Variants in LRRC4C observed in about 807,000 individuals in gnomAD.
LRRC4C encodes leucine rich repeat containing 4C, also known as leucine-rich repeat-containing protein 4C.
In LRRC4C, 5 loss-of-function variants were observed where a neutral mutation model predicts 33.6. The ratio of observed to expected loss-of-function variants is 0.15; its 90% confidence interval spans 0.08 to 0.31. The LOEUF is 0.31. LRRC4C is among the 10% of genes least tolerant of loss of function. The probability of loss-of-function intolerance (pLI) is 1.00; values close to 1 mark genes in which losing one functional copy is unlikely to be tolerated. For missense variants in LRRC4C, 560 were observed against 796.7 expected, an observed-to-expected ratio of 0.70 and a Z score of 3.58; for synonymous variants, 329 against 302.0, an observed-to-expected ratio of 1.09 and a Z score of -0.93.
chr11:40,812,719 TC>T (rs145568239), intron 2 of LRRC4C, among the ~76,000 whole-genome samples: 3,390 of 152,272 alleles, frequency 0.022, 135 homozygotes, highest in African/African-American at 0.077. Flanking sequence ...AATTTAATTT[TC>T]ATTTATCCTA....
intron 4 of LRRC4C, among the ~76,000 whole-genome samples, chr11:40,244,883 C>T (rs1866207784): frequency 6.6e-6 from 1 of 152,102 alleles, no homozygotes; most frequent in African/African-American, 2.4e-5. Flanking sequence ...TTATATTGTA[C>T]TAAAGACAGT....
chr11:41,125,800 T>C (rs575958488), intron 1 of LRRC4C, among the ~76,000 whole-genome samples: 2 of 152,132 alleles, frequency 1.3e-5, no homozygotes, highest in Non-Finnish European at 2.9e-5. Context: ...AAAACTACTA[T>C]TGAAAACTGA....
chr11:41,081,179 T>G (rs1459107946), intron 1 of LRRC4C, among the ~76,000 whole-genome samples: 2 of 152,214 alleles, frequency 1.3e-5, no homozygotes, highest in Admixed American at 1.3e-4. Flanking sequence ...AAATGTATCA[T>G]TAATTCAAAT....
At chr11:40,177,551 C>T (rs1229750933) in intron 5 of LRRC4C, among the ~76,000 whole-genome samples, 2 of 152,138 alleles carry the variant, frequency 1.3e-5, no homozygotes, top group African/African-American at 4.8e-5. Flanking sequence ...ATTCTCTTTG[C>T]TTGGAAGCAT....
chr11:40,388,844 T>A (rs1251449780), intron 3 of LRRC4C, among the ~76,000 whole-genome samples: 1 of 152,196 alleles, frequency 6.6e-6, no homozygotes, highest in East Asian at 1.9e-4. Flanking sequence ...TCTGTCTGTA[T>A]TCAGATATTC....
At chr11:41,046,806 C>G (rs990891624) in intron 1 of LRRC4C, among the ~76,000 whole-genome samples, 17 of 152,246 alleles carry the variant, frequency 1.1e-4, no homozygotes, top group African/African-American at 4.1e-4. Context: ...ACCATTTACT[C>G]ATCCTTATTA....
In LRRC4C at chr11:40,919,413, G is replaced by A. The variant is rs370814507; in HGVS notation, c.-407+14222C>T. 2.6e-4 allele frequency among the ~76,000 whole-genome samples: 40 copies of A among 152,182 alleles called. No individual in the cohort carries two copies. The East Asian group carries it at 2.7e-3, about 10-fold the overall frequency. ...ATTGAAAGGATTAATAACTCATAGC[G>A]TTATCTAAAGGAGCTGGCTCTTTCT... On this transcript the variant is annotated intron_variant, in intron 2 of 6. Coordinates refer to ENST00000528697, the MANE Select transcript of LRRC4C (RefSeq NM_001258419.2).
At chr11:41,120,066 G>C (rs1046533096) in intron 1 of LRRC4C, among the ~76,000 whole-genome samples, 1 of 152,008 alleles carries the variant, frequency 6.6e-6, no homozygotes, top group Admixed American at 6.6e-5. Flanking sequence ...TATCTGCCTA[G>C]CTACCTTATA....
intron 1 of LRRC4C, among the ~76,000 whole-genome samples, chr11:41,354,369 A>C (rs1196661200): frequency 2.0e-5 from 3 of 152,202 alleles, no homozygotes; most frequent in African/African-American, 7.2e-5. Flanking sequence ...GAAAGAAATC[A>C]GAGATGACAC....
intron 3 of LRRC4C, among the ~76,000 whole-genome samples, chr11:40,397,576 A>T (rs968413616): frequency 3.3e-5 from 5 of 152,074 alleles, no homozygotes; most frequent in African/African-American, 7.2e-5. Flanking sequence ...GACAAATTGG[A>T]GGGTCAGGAA....
chr11:40,410,483 TGTAGATGATAG>T (rs748375309), intron 3 of LRRC4C, among the ~76,000 whole-genome samples: 99 of 152,206 alleles, frequency 6.5e-4, no homozygotes, highest in Admixed American at 1.6e-3. Context: ...GAACACTGTG[TGTAGATGATAG>T]GTCTTTTCAT....
chr11:40,404,303 G>A (rs1181923681), intron 3 of LRRC4C, among the ~76,000 whole-genome samples: 1 of 152,108 alleles, frequency 6.6e-6, no homozygotes, highest in Admixed American at 6.6e-5. Flanking sequence ...ACTCAGCTGA[G>A]CCCCGTCCAA....
At chr11:41,077,826 G>A (rs1199593651) in intron 1 of LRRC4C, among the ~76,000 whole-genome samples, 4 of 152,098 alleles carry the variant, frequency 2.6e-5, no homozygotes, top group Admixed American at 6.6e-5. Flanking sequence ...TTTTCCAAAC[G>A]TTTATGCTCT....
intron 3 of LRRC4C, among the ~76,000 whole-genome samples, chr11:40,328,736 C>A (rs1946213294): frequency 6.6e-6 from 1 of 152,094 alleles, no homozygotes; most frequent in African/African-American, 2.4e-5. Flanking sequence ...TCATTTCTGT[C>A]ATAATTTAAA....
At chr11:41,121,805 T>C (rs1942446039) in intron 1 of LRRC4C, among the ~76,000 whole-genome samples, 2 of 152,102 alleles carry the variant, frequency 1.3e-5, no homozygotes, top group South Asian at 4.2e-4. Context: ...AGAGCAAATA[T>C]TGTCAGCTTG....
intron 3 of LRRC4C, chr11:40,445,665 A>C (rs750128434): frequency 1.3e-5 from 2 of 152,734 alleles, no homozygotes; most frequent in Non-Finnish European, 2.9e-5. Flanking sequence ...CCTTACATTC[A>C]TAAGATTTTT....
intron 5 of LRRC4C, among the ~76,000 whole-genome samples, chr11:40,233,922 C>T (rs527589070): frequency 6.6e-6 from 1 of 152,214 alleles, no homozygotes; most frequent in South Asian, 2.1e-4. Context: ...TGGTAGACAT[C>T]CTTCTAAGTA....
intron 2 of LRRC4C, among the ~76,000 whole-genome samples, chr11:40,675,136 T>G (rs1460491541): frequency 6.6e-6 from 1 of 152,176 alleles, no homozygotes; most frequent in Non-Finnish European, 1.5e-5. Context: ...GCATGAATTT[T>G]AAGACCCCTT....
At chr11:41,045,587 T>A (rs1857724824) in intron 1 of LRRC4C, among the ~76,000 whole-genome samples, 1 of 152,046 alleles carries the variant, frequency 6.6e-6, no homozygotes. Flanking sequence ...GTTGAACATA[T>A]GAGATAAGGT....
Sources: allele counts gnomAD v4.1 joint callset (sites outside exome capture counted in the v4.1 genomes callset), GRCh38; gene constraint gnomAD v4.1.1; transcripts MANE v1.5; gene names NCBI Gene and HGNC (gene_info 2026-07-23, HGNC 2026-07-21).